The following PTPRO variants were observed in gnomAD, a reference collection of about 807,000 sequenced individuals.
PTPRO encodes receptor-type tyrosine-protein phosphatase O.
A neutral mutation model predicts 145.2 loss-of-function variants in PTPRO; 62 were observed. The observed-to-expected ratio is 0.43, with a 90% CI of 0.35 to 0.53. PTPRO has a LOEUF of 0.53. PTPRO is among the 20% of genes least tolerant of loss of function. PTPRO has a pLI of 0.01. For missense variants in PTPRO, 1,345 were observed against 1,482.7 expected (o/e 0.91, Z 1.53); for synonymous variants, 565 against 514.7 (o/e 1.10, Z -1.32).
chr12:15,449,527 G>A (rs965290834), intron 1 of PTPRO, among the ~76,000 whole-genome samples: 16 of 152,240 alleles, frequency 1.1e-4, no homozygotes, highest in Non-Finnish European at 1.0e-4. Flanking sequence ...CTACTGTACA[G>A]TAGGAGGACT....
chr12:15,512,289 A>G (rs949166255), intron 7 of PTPRO, among the ~76,000 whole-genome samples: 6 of 152,046 alleles, frequency 3.9e-5, no homozygotes, highest in African/African-American at 1.4e-4. Context: ...TAATTTTTGT[A>G]TTTTTAGTAG....
intron 19 of PTPRO, among the ~76,000 whole-genome samples, chr12:15,571,215 G>C (rs1234032292): frequency 6.6e-6 from 1 of 152,194 alleles, no homozygotes; most frequent in African/African-American, 2.4e-5. Flanking sequence ...GAAACAAAGA[G>C]AAACGCAGCC....
In PTPRO at chr12:15,468,065, TTTCTTTA is replaced by T. The variant is rs554681702; in HGVS notation, c.76-15891_76-15885del. ...TCTTATACCCTTTTTTTATTCCAGATTTCTTTATTCTTTATTCTTTATTCAAATCCGT... is the reference window on the plus strand; with the variant it reads ...TCTTATACCCTTTTTTTATTCCAGATTTCTTTATTCTTTATTCAAATCCGT... On this transcript the variant is annotated intron_variant, in intron 1 of 26. Transcript: ENST00000281171. Among the ~76,000 whole-genome samples the T allele has an allele frequency of 1.3e-4, 20 of 152,310 alleles. No homozygotes were observed. The South Asian group carries it at 3.7e-3, about 28-fold the overall frequency.
chr12:15,553,780 C>T (rs1943538546), intron 15 of PTPRO, among the ~76,000 whole-genome samples: 1 of 152,074 alleles, frequency 6.6e-6, no homozygotes, highest in Admixed American at 6.5e-5. Flanking sequence ...ACTGTGGTAG[C>T]CAGGAATCCA....
intron 1 of PTPRO, among the ~76,000 whole-genome samples, chr12:15,482,608 A>G (rs1344870403): frequency 6.6e-6 from 1 of 152,178 alleles, no homozygotes; most frequent in Non-Finnish European, 1.5e-5. Flanking sequence ...CACAATGTAT[A>G]TATGTATCAA....
chr12:15,359,930 T>G (rs12297543), intron 1 of PTPRO, among the ~76,000 whole-genome samples: 36,896 of 152,100 alleles, frequency 0.24, 4,700 homozygotes, highest in Non-Finnish European at 0.29. Flanking sequence ...TTCAGATAGT[T>G]CCTAAAATTC....
At chr12:15,551,261 G>A (rs1047291544) in intron 14 of PTPRO, among the ~76,000 whole-genome samples, 1 of 152,244 alleles carries the variant, frequency 6.6e-6, no homozygotes, top group East Asian at 1.9e-4. Flanking sequence ...TTAAACTGTG[G>A]CACAGGTATT....
At chr12:15,384,149 T>G (rs1235744797) in intron 1 of PTPRO, among the ~76,000 whole-genome samples, 2 of 152,154 alleles carry the variant, frequency 1.3e-5, no homozygotes, top group East Asian at 3.8e-4. Context: ...AACTAGATTT[T>G]AAGTTTTCTT....
At chr12:15,334,033 G>C (rs1306808197) in intron 1 of PTPRO, among the ~76,000 whole-genome samples, 1 of 151,996 alleles carries the variant, frequency 6.6e-6, no homozygotes, top group Non-Finnish European at 1.5e-5. Context: ...ATGTCAAATA[G>C]AAACTTAATG....
intron 1 of PTPRO, among the ~76,000 whole-genome samples, chr12:15,430,077 A>G (rs1437630631): frequency 1.3e-5 from 2 of 152,078 alleles, no homozygotes; most frequent in Non-Finnish European, 2.9e-5. Context: ...TCAAGTAGGC[A>G]TTTCAGATAG....
chr12:15,517,733 C>T (rs1288042746), intron 9 of PTPRO, among the ~76,000 whole-genome samples: 2 of 152,194 alleles, frequency 1.3e-5, no homozygotes, highest in African/African-American at 4.8e-5. Flanking sequence ...CTCAAAGCTC[C>T]AAAATGATAT....
chr12:15,332,645 T>C (rs768307522), intron 1 of PTPRO, among the ~76,000 whole-genome samples: 3 of 152,336 alleles, frequency 2.0e-5, no homozygotes, highest in East Asian at 1.9e-4. Flanking sequence ...TCAAAGACCA[T>C]CTAGTTCAAA....
At chr12:15,429,394 A>G (rs1591803567) in intron 1 of PTPRO, among the ~76,000 whole-genome samples, 1 of 152,118 alleles carries the variant, frequency 6.6e-6, no homozygotes, top group African/African-American at 2.4e-5. Flanking sequence ...TTGCCAAGCC[A>G]GGGCAGGATG....
Position 15,578,944 on chromosome 12 carries a change from G to A in PTPRO, c.2920+1G>A, listed in dbSNP as rs1255655661. On this transcript the variant is annotated splice_donor_variant, in intron 20 of 26. Coordinates refer to ENST00000281171, the MANE Select transcript of PTPRO (RefSeq NM_030667.3). LOFTEE classifies it high-confidence loss of function. ...AACCGTTACACAAACATCCTACCAT[G>A]TAAGATCGTCAATTGTGCCAATAAC... is the stretch of plus-strand genomic sequence containing the variant. 6.4e-7 allele frequency: 1 copy of A among 1,573,590 alleles called. No homozygotes were observed. The highest frequency in any genetic ancestry group is 8.7e-7 in the Non-Finnish European group (1 of 1,143,282).
chr12:15,550,715 C>G (rs966765534), intron 14 of PTPRO, among the ~76,000 whole-genome samples: 4 of 152,124 alleles, frequency 2.6e-5, no homozygotes, highest in Admixed American at 2.0e-4. Context: ...TGGTAAATAC[C>G]CAGAACCTTA....
At chr12:15,372,168 C>T (rs1938550531) in intron 1 of PTPRO, among the ~76,000 whole-genome samples, 1 of 152,122 alleles carries the variant, frequency 6.6e-6, no homozygotes, top group South Asian at 2.1e-4. Flanking sequence ...GCGTTTGTGG[C>T]ATATTAGTGA....
In PTPRO at chr12:15,322,900, G is replaced by A; in HGVS notation, c.75+99G>A. 8.1e-7 allele frequency: 1 copy of A among 1,236,608 alleles called. No homozygotes were observed. The allele number at this position is 1,236,608 out of a possible 1,614,324, so 76.6% of individuals were successfully genotyped here. A position where few individuals can be genotyped will look rare whatever the true frequency, so the allele number is the denominator to read the frequency against. On this transcript the variant is annotated intron_variant, in intron 1 of 26. Coordinates refer to ENST00000281171, the MANE Select transcript of PTPRO (RefSeq NM_030667.3). The surrounding 1 kb of genome is among the most constrained non-coding windows in gnomAD (Gnocchi z 6.3). ...TTGGGAGCGGCGCGCCCCAGGGCAC[G>A]ATGGCCCAGCCGCGGGAAGCGCCTG...
intron 15 of PTPRO, among the ~76,000 whole-genome samples, chr12:15,553,750 G>A (rs1183475916): frequency 6.6e-6 from 1 of 152,184 alleles, no homozygotes; most frequent in African/African-American, 2.4e-5. Flanking sequence ...ATTGAGGCAA[G>A]GACAGAGACA....
At chr12:15,507,005 T>C (rs1942333796) in intron 6 of PTPRO, among the ~76,000 whole-genome samples, 2 of 152,186 alleles carry the variant, frequency 1.3e-5, no homozygotes, top group Non-Finnish European at 2.9e-5. Flanking sequence ...AGCATGGATT[T>C]TGGAATCAGA....
Sources: allele counts gnomAD v4.1 joint callset (sites outside exome capture counted in the v4.1 genomes callset), GRCh38; gene constraint gnomAD v4.1.1; non-coding constraint Gnocchi (gnomAD v3.1); transcripts MANE v1.5; gene names NCBI Gene and HGNC (gene_info 2026-07-23, HGNC 2026-07-21).